DDX19B: variants seen among roughly 807,000 people sequenced by gnomAD.
DDX19B encodes the protein ATP-dependent RNA helicase DDX19B.
A neutral mutation model predicts 58.1 loss-of-function variants in DDX19B; 27 were observed. The ratio of observed to expected loss-of-function variants is 0.46; its 90% confidence interval spans 0.34 to 0.64. The LOEUF (loss-of-function observed/expected upper bound fraction) is 0.64, where lower values mean the gene tolerates loss of function less well. Among genes scored for constraint, DDX19B ranks in the 30% least tolerant of loss-of-function variants. DDX19B has a pLI of 0.01. For synonymous variants in DDX19B, 187 were observed against 214.4 expected, an observed-to-expected ratio of 0.87 and a Z score of 1.12; for missense variants, 399 against 596.5, an observed-to-expected ratio of 0.67 and a Z score of 3.45.
upstream of DDX19B, among the ~76,000 whole-genome samples, chr16:70,297,506 C>T (rs932936115): frequency 1.3e-5 from 2 of 152,196 alleles, no homozygotes; most frequent in African/African-American, 4.8e-5. Flanking sequence ...AGCCATTGTG[C>T]CCGGCCTCAT....
intron 2 of DDX19B, among the ~76,000 whole-genome samples, chr16:70,313,987 T>C (rs1962226452): frequency 2.0e-5 from 3 of 152,014 alleles, no homozygotes; most frequent in African/African-American, 7.2e-5. Context: ...TGCACCCCTG[T>C]AATCCCAGCT....
Position 70,304,317 on chromosome 16 carries a change from C to T in DDX19B, c.57+4963C>T, listed in dbSNP as rs147859465. ...GCCTCCCAAAGTGCTTGATTACAGGCGTGAGCCACCGTGCCTGGCCGAGGT... is the reference window on the plus strand; with the variant it reads ...GCCTCCCAAAGTGCTTGATTACAGGTGTGAGCCACCGTGCCTGGCCGAGGT... On this transcript the variant is annotated intron_variant, in intron 1 of 11. Coordinates refer to ENST00000288071, the MANE Select transcript of DDX19B (RefSeq NM_007242.7). Among the ~76,000 whole-genome samples the T allele has an allele frequency of 5.3e-3, 799 of 149,892 alleles. 13 individuals are homozygous for T. The highest frequency in any genetic ancestry group is 0.017 in the African/African-American group (683 of 40,734).
Position 70,331,725 on chromosome 16 carries a change from C to A in DDX19B, c.1027C>A (p.Arg343Ser), listed in dbSNP as rs1245987535. Residue 343 changes from arginine to serine, a missense_variant, in exon 10 of 12, where the codon CGC becomes AGC. Arg to Ser is a moderately radical substitution (Grantham distance 110). Coordinates refer to ENST00000288071, the MANE Select transcript of DDX19B (RefSeq NM_007242.7). ...AAAACAATTCTTTTCACTACAGACT[C>A]GCAAAACAGCTAGTTGGCTGGCAGC... is the stretch of plus-strand genomic sequence containing the variant. ...IAQAMIFCHT[R>S]KTASWLAAEL... 1 of 1,613,520 alleles carries A rather than the reference C, an allele frequency of 6.2e-7. No homozygotes were observed. The highest frequency in any genetic ancestry group is 8.5e-7 in the Non-Finnish European group (1 of 1,179,898).
intron 2 of DDX19B, among the ~76,000 whole-genome samples, chr16:70,314,460 A>C (rs1027662634): frequency 6.6e-6 from 1 of 152,126 alleles, no homozygotes; most frequent in African/African-American, 2.4e-5. Flanking sequence ...CAAGAGATCA[A>C]GACCAGCCTG....
In DDX19B at chr16:70,335,123, T is replaced by C. The variant is rs1433408414; in HGVS notation, c.*1541T>C. 6.6e-6 allele frequency: 1 copy of C among 152,212 alleles called. No individual in the cohort carries two copies. The highest frequency in any genetic ancestry group is 1.5e-5 in the Non-Finnish European group (1 of 68,044). 9.4% of individuals were successfully genotyped at this position (152,212 alleles called of 1,614,324 possible). A position where few individuals can be genotyped will look rare whatever the true frequency, so the allele number is the denominator to read the frequency against. On this transcript the variant is annotated 3_prime_UTR_variant, in exon 12 of 12. Transcript: ENST00000288071. ...GACTGCCAATTCTACCACATTCCCCTGGTGGGTACTCGACTATGTAGTTTT... is the reference window on the plus strand; with the variant it reads ...GACTGCCAATTCTACCACATTCCCCCGGTGGGTACTCGACTATGTAGTTTT...
rs749207868 is a variant in DDX19B at position 70,301,884 on chromosome 16, A to G, written c.57+2530A>G. On this transcript the variant is annotated intron_variant, in intron 1 of 11. Coordinates refer to ENST00000288071, the MANE Select transcript of DDX19B (RefSeq NM_007242.7). ...CTGCATAGCTTTTCCCAGAACTCTTATTAGATGAATGTTGGATCTGTTGGA... is the reference window on the plus strand; with the variant it reads ...CTGCATAGCTTTTCCCAGAACTCTTGTTAGATGAATGTTGGATCTGTTGGA... 1.3e-4 allele frequency among the ~76,000 whole-genome samples: 20 copies of G among 148,194 alleles called. 1 individual carries two copies. The highest frequency in any genetic ancestry group is 6.7e-5 in the Admixed American group (1 of 14,896).
At chr16:70,321,247 C>G (rs1388257181) in intron 5 of DDX19B, among the ~76,000 whole-genome samples, 2 of 152,316 alleles carry the variant, frequency 1.3e-5, no homozygotes, top group East Asian at 1.9e-4. Context: ...CAGGCGTGAG[C>G]CACTGCGCCC....
At chr16:70,328,709 C>T (rs2152212755) in intron 7 of DDX19B, among the ~76,000 whole-genome samples, 2 of 151,942 alleles carry the variant, frequency 1.3e-5, no homozygotes, top group Middle Eastern at 6.8e-3. Flanking sequence ...CTGTAGTCAC[C>T]ACATTGTGCT....
intron 9 of DDX19B, among the ~76,000 whole-genome samples, chr16:70,330,818 G>T (rs568254438): frequency 6.6e-6 from 1 of 152,088 alleles, no homozygotes; most frequent in East Asian, 1.9e-4. Flanking sequence ...CTGAGGTGGG[G>T]GGATCTTCTT....
upstream of DDX19B, among the ~76,000 whole-genome samples, chr16:70,297,192 G>A (rs1961254976): frequency 6.6e-6 from 1 of 151,682 alleles, no homozygotes; most frequent in Admixed American, 6.6e-5. Context: ...GGGATTACAG[G>A]TGCAAGCCAC....
intron 1 of DDX19B, among the ~76,000 whole-genome samples, chr16:70,300,173 G>C (rs967129521): frequency 1.3e-5 from 2 of 151,216 alleles, no homozygotes; most frequent in African/African-American, 2.4e-5. Flanking sequence ...TAAAAACAAC[G>C]GTTCCCGCCA....
In DDX19B at chr16:70,324,672, A is replaced by C. The variant is rs1963047148; in HGVS notation, c.477A>C (p.Ala159=). The C allele has an allele frequency of 6.2e-7, 1 of 1,613,460 alleles. No individual in the cohort carries two copies. Among genetic ancestry groups the C allele is most frequent in the Non-Finnish European group, 8.5e-7 (1 of 1,179,876 alleles). The stretch of plus-strand genomic sequence containing the variant: ...CCATGCTTAGCCAAGTAGAACCTGC[A>C]AACAAATACCCCCAGGTAAGGATTT... ...VLAMLSQVEP[A]NKYPQCLCLS... Residue 159 remains alanine (A), a synonymous_variant, in exon 6 of 12, where the codon GCA becomes GCC. Coordinates refer to ENST00000288071, the MANE Select transcript of DDX19B (RefSeq NM_007242.7).
intron 1 of DDX19B, among the ~76,000 whole-genome samples, chr16:70,303,379 G>A (rs1266546686): frequency 1.3e-5 from 2 of 152,104 alleles, no homozygotes; most frequent in East Asian, 1.9e-4. Flanking sequence ...GAACACCTGG[G>A]TTCAAGCAAT....
intron 7 of DDX19B, among the ~76,000 whole-genome samples, chr16:70,328,224 TC>T (rs1288090629): frequency 1.3e-5 from 2 of 151,814 alleles, no homozygotes; most frequent in Non-Finnish European, 2.9e-5. Flanking sequence ...CTTATGAAAA[TC>T]AAGTCTGCAT....
upstream of DDX19B, chr16:70,295,077 C>A: frequency 7.8e-7 from 1 of 1,276,092 alleles, no homozygotes; most frequent in Non-Finnish European, 9.9e-7. Flanking sequence ...GTGGGTACTT[C>A]CTGTGATTTC....
At chr16:70,329,618 C>T in intron 8 of DDX19B, 149 bp downstream of exon 8, 1 of 1,344,088 alleles carries the variant, frequency 7.4e-7, no homozygotes, top group Non-Finnish European at 1.0e-6. Flanking sequence ...CGTGTCAGCG[C>T]TGGCCACAGT....
upstream of DDX19B, among the ~76,000 whole-genome samples, chr16:70,293,277 G>GCC (rs1222635687): frequency 3.6e-4 from 55 of 151,772 alleles, no homozygotes; most frequent in African/African-American, 1.3e-3. Flanking sequence ...AATTAGCTGG[G>GCC]CATGGTGGCA....
At position 70,300,936 on chromosome 16, in the gene DDX19B, T is replaced by A. The variant is rs187281712; in HGVS notation, c.57+1582T>A. On this transcript the variant is annotated intron_variant, in intron 1 of 11. Transcript: ENST00000288071. Reference sequence around the variant, plus strand: ...AATTCAACCCCAAACTGTCTTCCAGTTGTCTAAGTTTATCTCAGGATGCTT... The same window carrying A: ...AATTCAACCCCAAACTGTCTTCCAGATGTCTAAGTTTATCTCAGGATGCTT... Among the ~76,000 whole-genome samples the A allele has an allele frequency of 1.4e-3, 211 of 152,326 alleles. 2 individuals carry two copies. The highest frequency in any genetic ancestry group is 4.9e-3 in the African/African-American group (203 of 41,562).
rs974860334 is a variant in DDX19B, at chr16:70,333,190, G to A, written c.1378+31G>A. 24 of 1,153,156 alleles carry A rather than the reference G, an allele frequency of 2.1e-5. No individual in the cohort carries two copies. In the East Asian group the frequency reaches 3.4e-4, roughly 16 times the overall value. The allele number at this position is 1,153,156 out of a possible 1,614,324, so 71.4% of individuals were successfully genotyped here. A position where few individuals can be genotyped will look rare whatever the true frequency, so the allele number is the denominator to read the frequency against. On this transcript the variant is annotated intron_variant, in intron 11 of 11. Transcript: ENST00000288071. ...TCCCGGGGAGGGTCCTGTGCCTGGC[G>A]CCCTTTGCTAAGTAGGGCGGGGTGG...
Sources: gnomAD v4.1 joint callset for allele counts (sites outside exome capture counted in the v4.1 genomes callset) on GRCh38, gnomAD v4.1.1 for gene constraint, MANE v1.5 for transcripts, NCBI Gene and HGNC (gene_info 2026-07-23, HGNC 2026-07-21) for gene names.